ENPEP: variants seen among roughly 807,000 people sequenced by gnomAD.
ENPEP encodes the protein glutamyl aminopeptidase.
A neutral mutation model predicts 114.5 loss-of-function variants in ENPEP; 103 were observed. The observed-to-expected ratio is 0.90, with a 90% CI of 0.77 to 1.06. The LOEUF (loss-of-function observed/expected upper bound fraction) is 1.06, where lower values mean the gene tolerates loss of function less well. Among genes scored for constraint, ENPEP ranks in the 50% least tolerant of loss-of-function variants. ENPEP has a pLI of 0.00. For synonymous variants in ENPEP, 420 were observed against 422.0 expected, an observed-to-expected ratio of 1.00 and a Z score of 0.06; for missense variants, 1,196 against 1,161.3, an observed-to-expected ratio of 1.03 and a Z score of -0.43.
At chr4:110,549,481 T>C in intron 15 of ENPEP, 47 bp from the exon 16 acceptor site, 2 of 1,612,814 alleles carry the variant, frequency 1.2e-6, no homozygotes, top group East Asian at 2.2e-5. Context: ...TTAAGACTTG[T>C]TGAAAAGTGC....
intron 1 of ENPEP, among the ~76,000 whole-genome samples, chr4:110,484,265 C>T (rs1233696781): frequency 6.6e-6 from 1 of 152,096 alleles, no homozygotes; most frequent in African/African-American, 2.4e-5. Flanking sequence ...GCTATACATG[C>T]TCTGGTGACC....
At chr4:110,490,068 G>A (rs1467827402) in intron 2 of ENPEP, among the ~76,000 whole-genome samples, 1 of 152,118 alleles carries the variant, frequency 6.6e-6, no homozygotes, top group East Asian at 1.9e-4. Flanking sequence ...TCTAGATGAA[G>A]GTGGGGGGAA....
chr4:110,549,457 AT>A, intron 15 of ENPEP, 38 bp downstream of exon 15: 2 of 1,612,394 alleles, frequency 1.2e-6, no homozygotes, highest in Non-Finnish European at 1.7e-6. Context: ...TTCATTTAAC[AT>A]TTGTTTTTTG....
At chr4:110,552,027 G>T (rs1052060563) in intron 17 of ENPEP, among the ~76,000 whole-genome samples, 2 of 152,152 alleles carry the variant, frequency 1.3e-5, no homozygotes, top group Admixed American at 6.6e-5. Context: ...TTCTGTTCAT[G>T]AAGTACCTGT....
chr4:110,541,893 G>C (rs369754229), intron 11 of ENPEP, among the ~76,000 whole-genome samples: 87 of 152,210 alleles, frequency 5.7e-4, no homozygotes, highest in African/African-American at 1.9e-3. Context: ...TAACGCTAAC[G>C]AACATGGTTA....
At chr4:110,513,583 C>T (rs535281199) in intron 7 of ENPEP, 34 bp downstream of exon 7, 13 of 1,607,642 alleles carry the variant, frequency 8.1e-6, no homozygotes, top group Middle Eastern at 1.7e-4. Flanking sequence ...TGAACATCTT[C>T]CTGTTTAGTG....
At position 110,530,660 on chromosome 4, in the gene ENPEP, T is replaced by A. The variant is rs570853549; in HGVS notation, c.1728-538T>A. ...CCTGATGATTCTTCCCTTGAGCACTTCAGTTCTAGTTCTAAATAGGGGATA... is the reference window on the plus strand; with the variant it reads ...CCTGATGATTCTTCCCTTGAGCACTACAGTTCTAGTTCTAAATAGGGGATA... On this transcript the variant is annotated intron_variant, in intron 10 of 19. Coordinates refer to ENST00000265162, the MANE Select transcript of ENPEP (RefSeq NM_001977.4). 2.6e-5 allele frequency among the ~76,000 whole-genome samples: 4 copies of A among 152,284 alleles called. No individual in the cohort carries two copies. The South Asian group carries it at 8.3e-4, about 32-fold the overall frequency.
chr4:110,525,800 T>C (rs888800654), intron 10 of ENPEP, among the ~76,000 whole-genome samples: 1 of 152,162 alleles, frequency 6.6e-6, no homozygotes, highest in Non-Finnish European at 1.5e-5. Flanking sequence ...ATTTGGAAAG[T>C]TTCACAGTAA....
chr4:110,549,440 A>C, intron 15 of ENPEP, 21 bp downstream of exon 15: 1 of 1,612,804 alleles, frequency 6.2e-7, no homozygotes. Context: ...CTTTTTAACA[A>C]CTAAAATTCA....
chr4:110,556,755 T>C (rs1727487461), intron 18 of ENPEP, among the ~76,000 whole-genome samples: 1 of 152,188 alleles, frequency 6.6e-6, no homozygotes, highest in African/African-American at 2.4e-5. Context: ...CCAACCTTTT[T>C]CAATGCTCAG....
In ENPEP at chr4:110,542,865, C is replaced by T; in HGVS notation, c.1922C>T (p.Thr641Ile). Residue 641 changes from threonine to isoleucine, a missense_variant, in exon 12 of 20, where the codon ACA (threonine) becomes ATA (isoleucine). Coordinates refer to ENST00000265162, the MANE Select transcript of ENPEP (RefSeq NM_001977.4). ...GTAGCAACTTGGGACTCGATAGCTA[C>T]AGCGCTCTCCTTGAACCACAAGGTA... ...YEVATWDSIA[T>I]ALSLNHKTFS... The T allele has an allele frequency of 1.9e-6, 3 of 1,613,140 alleles. No individual in the cohort carries two copies. The highest frequency in any genetic ancestry group is 2.5e-6 in the Non-Finnish European group (3 of 1,179,382).
In ENPEP at chr4:110,520,223, G is replaced by T. The variant is rs1233468050; in HGVS notation, c.1584G>T (p.Arg528Ser). 4.3e-6 allele frequency: 7 copies of T among 1,613,388 alleles called. No homozygotes were observed. The African/African-American group carries it at 6.7e-5, about 15-fold the overall frequency. ...DFWAALEEAS[R>S]LPVKEVMDTW... Reference sequence around the variant, plus strand: ...TTTGTTTTCAATCTTAGGCAAGTAGGCTACCAGTGAAAGAAGTAATGGACA... The same window carrying T: ...TTTGTTTTCAATCTTAGGCAAGTAGTCTACCAGTGAAAGAAGTAATGGACA... Residue 528 changes from arginine (R) to serine (S), a missense_variant, in exon 10 of 20, where the codon AGG (arginine) becomes AGT (serine). Arg to Ser is a moderately radical substitution (Grantham distance 110). Coordinates refer to ENST00000265162, the MANE Select transcript of ENPEP (RefSeq NM_001977.4).
chr4:110,508,983 A>T (rs1226459683), intron 4 of ENPEP, among the ~76,000 whole-genome samples: 3 of 152,208 alleles, frequency 2.0e-5, no homozygotes, highest in Non-Finnish European at 4.4e-5. Flanking sequence ...TTTGGCCACT[A>T]ATCATCTGAG....
chr4:110,543,360 G>C (rs41278051), intron 13 of ENPEP, among the ~76,000 whole-genome samples: 21,193 of 151,988 alleles, frequency 0.14, 1,565 homozygotes, highest in Middle Eastern at 0.24. Flanking sequence ...AGTGACATTT[G>C]CAAATGATCA....
chr4:110,515,117 T>C (rs1352719469), intron 7 of ENPEP, among the ~76,000 whole-genome samples: 1 of 152,134 alleles, frequency 6.6e-6, no homozygotes, highest in Non-Finnish European at 1.5e-5. Flanking sequence ...GCAATAATTA[T>C]TTGAATCTGA....
In ENPEP at chr4:110,553,355, C is replaced by A; in HGVS notation, c.2542C>A (p.Gln848Lys). ...LLKDTNLIKT[Q>K]DVFTVIRYIS... The stretch of plus-strand genomic sequence containing the variant: ...CAAGGACACGAACCTTATTAAAACT[C>A]AGGATGTGTTTACAGTCATTCGATA... The change falls in exon 18 of 20, where the codon CAG (glutamine) becomes AAG (lysine). Residue 848 changes from glutamine (Q) to lysine (K), a missense_variant. Gln to Lys is a moderately conservative substitution (Grantham distance 53, BLOSUM62 1). Coordinates refer to ENST00000265162, the MANE Select transcript of ENPEP (RefSeq NM_001977.4). 6.2e-7 allele frequency: 1 copy of A among 1,606,408 alleles called. No individual in the cohort carries two copies. Among genetic ancestry groups the A allele is most frequent in the Non-Finnish European group, 8.5e-7 (1 of 1,175,044 alleles).
chr4:110,489,784 G>A (rs913134385), intron 2 of ENPEP, among the ~76,000 whole-genome samples: 1 of 152,040 alleles, frequency 6.6e-6, no homozygotes, highest in Non-Finnish European at 1.5e-5. Flanking sequence ...CTCATCTTTA[G>A]GTATAATAAT....
Position 110,563,569 on chromosome 4 carries a change from C to T in ENPEP, c.*2011C>T, listed in dbSNP as rs879908748. On this transcript the variant is annotated 3_prime_UTR_variant, in exon 20 of 20. Transcript: ENST00000265162. ...CAAGCACAGTTTATTACTTTGCTTG[C>T]TTGGTTTTGCACAGTATTCACAGGG... 1 of 152,182 alleles carries T rather than the reference C, an allele frequency of 6.6e-6. No individual in the cohort carries two copies. Among genetic ancestry groups the T allele is most frequent in the Non-Finnish European group, 1.5e-5 (1 of 67,990 alleles). 9.4% of individuals were successfully genotyped at this position (152,182 alleles called of 1,614,324 possible).
At chr4:110,542,467 A>T (rs915760276) in intron 11 of ENPEP, among the ~76,000 whole-genome samples, 4 of 152,064 alleles carry the variant, frequency 2.6e-5, no homozygotes, top group African/African-American at 9.7e-5. Flanking sequence ...GCACGAAATT[A>T]TTTCGCCCAT....
Sources: gnomAD v4.1 joint callset for allele counts (sites outside exome capture counted in the v4.1 genomes callset) on GRCh38, gnomAD v4.1.1 for gene constraint, MANE v1.5 for transcripts, NCBI Gene and HGNC (gene_info 2026-07-23, HGNC 2026-07-21) for gene names.